The following COL13A1 variants were observed in gnomAD, a reference collection of about 807,000 sequenced individuals.
COL13A1 encodes collagen type XIII alpha 1 chain.
A neutral mutation model predicts 130.9 loss-of-function variants in COL13A1; 89 were observed. The ratio of observed to expected loss-of-function variants is 0.68; its 90% CI spans 0.57 to 0.81. COL13A1 has a LOEUF of 0.81. Among genes scored for constraint, COL13A1 ranks in the 30% least tolerant of loss-of-function variants. COL13A1 has a pLI of 0.00. For missense variants in COL13A1, 879 were observed against 934.6 expected (o/e 0.94, Z 0.78); for synonymous variants, 402 against 341.6 (o/e 1.18, Z -1.95).
intron 2 of COL13A1, among the ~76,000 whole-genome samples, chr10:69,848,076 A>G (rs1311046134): frequency 6.6e-6 from 1 of 152,166 alleles, no homozygotes; most frequent in African/African-American, 2.4e-5. Flanking sequence ...GTCTCCAGTC[A>G]TTTGCTCAAG....
chr10:69,930,277 C>A, intron 29 of COL13A1, 123 bp from the exon 30 acceptor site: 1 of 1,096,640 alleles, frequency 9.1e-7, no homozygotes, highest in Non-Finnish European at 1.3e-6. Flanking sequence ...CCAGGCTGGG[C>A]TGTCTCTGCC....
chr10:69,842,052 T>C (rs1851740220), intron 2 of COL13A1, among the ~76,000 whole-genome samples: 4 of 152,212 alleles, frequency 2.6e-5, no homozygotes, highest in Non-Finnish European at 5.9e-5. Flanking sequence ...CTAGCTGATA[T>C]GGTTTCACTG....
chr10:69,816,422 G>A (rs1371406291), intron 1 of COL13A1, among the ~76,000 whole-genome samples: 2 of 151,542 alleles, frequency 1.3e-5, no homozygotes, highest in African/African-American at 4.9e-5. Context: ...TGCCTATGAA[G>A]GGCCATATCA....
intron 2 of COL13A1, among the ~76,000 whole-genome samples, chr10:69,825,820 C>CATCATCCTGGG (rs1400749545): frequency 1.3e-5 from 2 of 152,242 alleles, no homozygotes; most frequent in Admixed American, 1.3e-4. Context: ...ACCTTCCCAG[C>CATCATCCTGGG]ATCCTCCTGG....
intron 5 of COL13A1, chr10:69,877,736 CA>C (rs2059742471): frequency 2.5e-6 from 1 of 393,900 alleles, no homozygotes. Context: ...CACACACACA[CA>C]CACACACACG....
At chr10:69,934,281 G>T (rs2066533868) in intron 31 of COL13A1, among the ~76,000 whole-genome samples, 1 of 152,194 alleles carries the variant, frequency 6.6e-6, no homozygotes. Flanking sequence ...CCATGATTAG[G>T]ATACATAAAC....
At chr10:69,813,295 A>G (rs1483406731) in intron 1 of COL13A1, among the ~76,000 whole-genome samples, 1 of 152,108 alleles carries the variant, frequency 6.6e-6, no homozygotes, top group Non-Finnish European at 1.5e-5. Context: ...CATGCACACC[A>G]TCAGTTCTGG....
intron 7 of COL13A1, among the ~76,000 whole-genome samples, chr10:69,886,775 T>C (rs569410049): frequency 6.6e-6 from 1 of 152,344 alleles, no homozygotes; most frequent in South Asian, 2.1e-4. Flanking sequence ...ATCTTGATCA[T>C]AAACCACTGG....
chr10:69,884,400 G>A (rs2060424941), intron 7 of COL13A1, among the ~76,000 whole-genome samples: 1 of 152,204 alleles, frequency 6.6e-6, no homozygotes, highest in Non-Finnish European at 1.5e-5. Flanking sequence ...AGTCTTGTTG[G>A]TGAGGGAGGC....
chr10:69,879,987 G>A (rs1219106350), intron 6 of COL13A1, among the ~76,000 whole-genome samples: 1 of 152,162 alleles, frequency 6.6e-6, no homozygotes, highest in Non-Finnish European at 1.5e-5. Flanking sequence ...TTCTCGGGCA[G>A]GTCACTGTTC....
At chr10:69,936,632 G>C (rs1306959842) in intron 32 of COL13A1, 124 bp from the exon 33 acceptor site, 2 of 1,084,720 alleles carry the variant, frequency 1.8e-6, no homozygotes, top group African/African-American at 3.2e-5. Flanking sequence ...ACCTCTCATG[G>C]GCAGGGACCC....
intron 34 of COL13A1, among the ~76,000 whole-genome samples, chr10:69,940,719 G>T: frequency 6.6e-6 from 1 of 152,176 alleles, no homozygotes; most frequent in East Asian, 1.9e-4. Context: ...GAAGGGGGGC[G>T]GGAGGAGCAG....
At chr10:69,806,762 T>C (rs891215393) in intron 1 of COL13A1, among the ~76,000 whole-genome samples, 2 of 152,168 alleles carry the variant, frequency 1.3e-5, no homozygotes, top group East Asian at 1.9e-4. Context: ...ATCCCAGCAC[T>C]TTGGGAGGCC....
chr10:69,861,181 C>T (rs1359007574), intron 2 of COL13A1, among the ~76,000 whole-genome samples: 1 of 152,162 alleles, frequency 6.6e-6, no homozygotes, highest in African/African-American at 2.4e-5. Flanking sequence ...AGATTGAAAG[C>T]AGGGGTTAGC....
At chr10:69,826,686 A>G (rs762283852) in intron 2 of COL13A1, among the ~76,000 whole-genome samples, 6 of 152,182 alleles carry the variant, frequency 3.9e-5, no homozygotes, top group Non-Finnish European at 8.8e-5. Context: ...AGGGCATCAT[A>G]GACTCCATAT....
chr10:69,884,419 G>T (rs2060427044), intron 7 of COL13A1, among the ~76,000 whole-genome samples: 1 of 152,240 alleles, frequency 6.6e-6, no homozygotes, highest in African/African-American at 2.4e-5. Flanking sequence ...GCAGAATGAG[G>T]CTGCCCCTGG....
intron 25 of COL13A1, 52 bp downstream of exon 25, chr10:69,925,059 A>C (rs1261794534): frequency 2.7e-6 from 4 of 1,470,406 alleles, no homozygotes; most frequent in Admixed American, 2.7e-5. Flanking sequence ...GGTAAATCAA[A>C]AAAGCATCTG....
intron 23 of COL13A1, 124 bp downstream of exon 23, chr10:69,922,918 G>A: frequency 1.6e-6 from 1 of 613,716 alleles, no homozygotes; most frequent in Admixed American, 3.8e-5. Flanking sequence ...CTCCAGATGT[G>A]TGGTTTTCCC....
chr10:69,895,489 T>G, intron 12 of COL13A1, 61 bp from the exon 13 acceptor site: 114 of 1,578,950 alleles, frequency 7.2e-5, no homozygotes, highest in Middle Eastern at 1.7e-4. Flanking sequence ...GGGGGTGCCC[T>G]GAGAAACAGG....
Sources: allele counts gnomAD v4.1 joint callset (sites outside exome capture counted in the v4.1 genomes callset), GRCh38; gene constraint gnomAD v4.1.1; transcripts MANE v1.5; gene names NCBI Gene and HGNC (gene_info 2026-07-23, HGNC 2026-07-21).